The following CCSER1 variants were observed in gnomAD, a reference collection of about 807,000 sequenced individuals.
CCSER1 encodes the protein serine-rich coiled-coil domain-containing protein 1.
CCSER1 carries 41 observed loss-of-function variants against 82.0 expected under a neutral mutation model. The ratio of observed to expected loss-of-function variants is 0.50; its 90% CI spans 0.39 to 0.65. The LOEUF (loss-of-function observed/expected upper bound fraction) is 0.65. CCSER1 is among the 30% of genes least tolerant of loss of function. The pLI is 0.00. For missense variants in CCSER1, 1,119 were observed against 1,064.2 expected, an observed-to-expected ratio of 1.05 and a Z score of -0.72; for synonymous variants, 414 against 383.9, an observed-to-expected ratio of 1.08 and a Z score of -0.92.
chr4:91,392,305 T>A (rs76455188), intron 10 of CCSER1, among the ~76,000 whole-genome samples: 4,769 of 151,460 alleles, frequency 0.031, 239 homozygotes, highest in African/African-American at 0.11. Context: ...ATAATAAAAC[T>A]CTTATATTTT....
At chr4:90,539,399 A>T (rs972145585) in intron 5 of CCSER1, among the ~76,000 whole-genome samples, 1 of 152,122 alleles carries the variant, frequency 6.6e-6, no homozygotes, top group Non-Finnish European at 1.5e-5. Context: ...TATATTCTAG[A>T]TTAAACTCAG....
chr4:91,384,141 C>T (rs1751117847), intron 10 of CCSER1, among the ~76,000 whole-genome samples: 2 of 151,974 alleles, frequency 1.3e-5, no homozygotes, highest in South Asian at 4.1e-4. Context: ...TTAATTTAAT[C>T]TTCTTTTGTG....
intron 10 of CCSER1, among the ~76,000 whole-genome samples, chr4:91,591,102 G>T (rs969457295): frequency 6.6e-6 from 1 of 152,018 alleles, no homozygotes; most frequent in Non-Finnish European, 1.5e-5. Flanking sequence ...TGACAGAGAG[G>T]TACCCTGGCT....
chr4:90,483,697 G>T (rs184625942), intron 5 of CCSER1, among the ~76,000 whole-genome samples: 1 of 152,150 alleles, frequency 6.6e-6, no homozygotes, highest in African/African-American at 2.4e-5. Flanking sequence ...GTTGAATATT[G>T]GCCCCCACTC....
At chr4:90,769,277 G>A (rs2149554837) in intron 7 of CCSER1, among the ~76,000 whole-genome samples, 1 of 152,260 alleles carries the variant, frequency 6.6e-6, no homozygotes, top group Non-Finnish European at 1.5e-5. Flanking sequence ...GACCCATGAA[G>A]TTCTTAAGTT....
chr4:90,620,146 T>C (rs1055564388), intron 5 of CCSER1, among the ~76,000 whole-genome samples: 4 of 152,150 alleles, frequency 2.6e-5, no homozygotes, highest in African/African-American at 9.7e-5. Flanking sequence ...TTTTAGTGAA[T>C]AGTGGGAGTC....
intron 9 of CCSER1, among the ~76,000 whole-genome samples, chr4:91,052,946 G>A (rs779420200): frequency 7.9e-5 from 12 of 152,020 alleles, no homozygotes; most frequent in Non-Finnish European, 1.6e-4. Context: ...TATTTAAAGT[G>A]TAGTAAATTG....
rs777629017 is a variant in CCSER1 at position 90,574,251 on chromosome 4, A to ATTT, written c.1725-53748_1725-53746dup. Among the ~76,000 whole-genome samples, 303 of 86,076 alleles carry ATTT rather than the reference A, an allele frequency of 3.5e-3. 29 individuals are homozygous for ATTT. The highest frequency in any genetic ancestry group is 9.4e-3 in the African/African-American group (155 of 16,460). 56.5% of individuals were successfully genotyped at this position (86,076 alleles called of 152,430 possible). On this transcript the variant is annotated intron_variant, in intron 5 of 10. Transcript: ENST00000509176. ...CCATATAGCTTGTAGAAACACATTAATTTTTTTTTTTTTTTTTTTTTTTTT... is the reference window on the plus strand; with the variant it reads ...CCATATAGCTTGTAGAAACACATTAATTTTTTTTTTTTTTTTTTTTTTTTTTTT...
intron 10 of CCSER1, among the ~76,000 whole-genome samples, chr4:91,594,021 G>T (rs1183290170): frequency 6.6e-6 from 1 of 152,072 alleles, no homozygotes; most frequent in Non-Finnish European, 1.5e-5. Context: ...TTAATCACTA[G>T]ATTTTCCATC....
chr4:90,560,134 A>C (rs1778596986), intron 5 of CCSER1, among the ~76,000 whole-genome samples: 1 of 152,020 alleles, frequency 6.6e-6, no homozygotes, highest in African/African-American at 2.4e-5. Context: ...TCTCAAACAG[A>C]GGCTAGTTAT....
At chr4:91,209,230 C>A (rs939317629) in intron 10 of CCSER1, among the ~76,000 whole-genome samples, 2 of 151,904 alleles carry the variant, frequency 1.3e-5, no homozygotes, top group Non-Finnish European at 2.9e-5. Flanking sequence ...ATTGCTCTGG[C>A]CAGGACTTCC....
At chr4:91,246,875 A>G (rs1043914398) in intron 10 of CCSER1, among the ~76,000 whole-genome samples, 10 of 151,924 alleles carry the variant, frequency 6.6e-5, no homozygotes, top group African/African-American at 1.9e-4. Context: ...AAGTAAGCAT[A>G]TGAAGAGACT....
chr4:91,465,870 C>T (rs1335363212), intron 10 of CCSER1, among the ~76,000 whole-genome samples: 2 of 152,006 alleles, frequency 1.3e-5, no homozygotes, highest in Non-Finnish European at 2.9e-5. Flanking sequence ...AAGAGCCTAC[C>T]AACCAAAAAA....
chr4:90,148,415 G>T (rs1299582887), intron 1 of CCSER1, among the ~76,000 whole-genome samples: 1 of 151,990 alleles, frequency 6.6e-6, no homozygotes, highest in Non-Finnish European at 1.5e-5. Context: ...CAGTTTTTTT[G>T]CATTGTTAGT....
chr4:90,350,887 A>G (rs1019741773), intron 3 of CCSER1, among the ~76,000 whole-genome samples: 1 of 152,178 alleles, frequency 6.6e-6, no homozygotes. Flanking sequence ...TAAAATATCA[A>G]TGGTTTTTAA....
At chr4:90,276,371 G>A (rs1480817652) in intron 1 of CCSER1, among the ~76,000 whole-genome samples, 2 of 135,204 alleles carry the variant, frequency 1.5e-5, no homozygotes, top group East Asian at 2.2e-4. Flanking sequence ...TTTGGAAACG[G>A]AGTCTCACTC....
At chr4:90,783,273 C>T (rs1304203410) in intron 7 of CCSER1, among the ~76,000 whole-genome samples, 1 of 152,082 alleles carries the variant, frequency 6.6e-6, no homozygotes, top group Non-Finnish European at 1.5e-5. Context: ...AACAATATTT[C>T]TTGGGCTCAT....
intron 10 of CCSER1, among the ~76,000 whole-genome samples, chr4:91,492,026 A>G (rs1252987026): frequency 6.8e-6 from 1 of 146,434 alleles, no homozygotes; most frequent in East Asian, 2.0e-4. Context: ...AGTGGTATTT[A>G]TGAATTTTGT....
At chr4:90,367,956 T>C (rs1348864692) in intron 3 of CCSER1, among the ~76,000 whole-genome samples, 1 of 151,988 alleles carries the variant, frequency 6.6e-6, no homozygotes, top group African/African-American at 2.4e-5. Flanking sequence ...AAAAGAGTTT[T>C]ACAGTATTTT....
Sources: gnomAD v4.1 joint callset for allele counts (sites outside exome capture counted in the v4.1 genomes callset) on GRCh38, gnomAD v4.1.1 for gene constraint, MANE v1.5 for transcripts, NCBI Gene and HGNC (gene_info 2026-07-23, HGNC 2026-07-21) for gene names.